Variants in PHF21B observed in about 807,000 individuals in gnomAD.
The protein encoded by PHF21B is PHD finger protein 21B.
In PHF21B, 22 loss-of-function variants were observed where a neutral mutation model predicts 62.2. The observed-to-expected ratio is 0.35, with a 90% CI of 0.25 to 0.51. PHF21B has a LOEUF of 0.51. Ranked by LOEUF, PHF21B falls within the 20% of genes least tolerant of loss-of-function variation. PHF21B has a pLI of 0.97. For synonymous variants in PHF21B, 341 were observed against 314.7 expected, an observed-to-expected ratio of 1.08 and a Z score of -0.88; for missense variants, 701 against 707.9, an observed-to-expected ratio of 0.99 and a Z score of 0.11.
intron 2 of PHF21B, among the ~76,000 whole-genome samples, chr22:44,953,169 G>A (rs1601638042): frequency 1.3e-5 from 2 of 152,162 alleles, no homozygotes; most frequent in Admixed American, 6.5e-5. Context: ...CTCTTCTCTC[G>A]GACACTGAGG....
chr22:44,898,550 G>C (rs2071100018), intron 5 of PHF21B, among the ~76,000 whole-genome samples: 1 of 152,104 alleles, frequency 6.6e-6, no homozygotes, highest in African/African-American at 2.4e-5. Flanking sequence ...CACTCAGGCA[G>C]GGCTTTTTTC....
intron 2 of PHF21B, among the ~76,000 whole-genome samples, chr22:44,926,149 G>C (rs1488804031): frequency 5.3e-5 from 8 of 151,726 alleles, no homozygotes; most frequent in African/African-American, 2.0e-4. Context: ...GTTCTGTGGT[G>C]GGAAGGTCCA....
intron 5 of PHF21B, among the ~76,000 whole-genome samples, chr22:44,897,614 T>C (rs907647982): frequency 2.0e-5 from 3 of 152,164 alleles, no homozygotes; most frequent in Non-Finnish European, 4.4e-5. Context: ...GTCTGGGATA[T>C]GACTTGCAAT....
intron 5 of PHF21B, among the ~76,000 whole-genome samples, chr22:44,909,793 C>T (rs79712548): frequency 0.011 from 1,688 of 152,372 alleles, 40 homozygotes; most frequent in African/African-American, 0.039. Flanking sequence ...TCTGCTGGAT[C>T]CTGGCAACTC....
At chr22:44,908,600 G>A (rs1379572216) in intron 5 of PHF21B, among the ~76,000 whole-genome samples, 1 of 152,206 alleles carries the variant, frequency 6.6e-6, no homozygotes, top group Non-Finnish European at 1.5e-5. Context: ...GGGAGCTGCA[G>A]CGACAGCGGA....
chr22:44,913,071 C>T (rs1422337447), intron 5 of PHF21B, among the ~76,000 whole-genome samples: 4 of 152,066 alleles, frequency 2.6e-5, no homozygotes, highest in South Asian at 2.1e-4. Flanking sequence ...CTGCTGTCCC[C>T]GCGCCACCAT....
intron 9 of PHF21B, among the ~76,000 whole-genome samples, chr22:44,888,873 C>T (rs543352436): frequency 3.3e-5 from 5 of 152,020 alleles, no homozygotes; most frequent in South Asian, 2.1e-4. Flanking sequence ...GAGGGGGAGC[C>T]GGGACCAGCA....
chr22:44,966,536 C>T (rs1395852132), intron 2 of PHF21B, among the ~76,000 whole-genome samples: 1 of 152,074 alleles, frequency 6.6e-6, no homozygotes, highest in Non-Finnish European at 1.5e-5. Flanking sequence ...CCAGGGAGTC[C>T]CTGGGCAGGC....
At chr22:44,973,721 G>A (rs755875519) in intron 2 of PHF21B, among the ~76,000 whole-genome samples, 4 of 152,190 alleles carry the variant, frequency 2.6e-5, no homozygotes, top group African/African-American at 9.7e-5. Context: ...CATATACAGA[G>A]TACCCACTGT....
At chr22:44,980,763 C>T (rs890832082) in intron 2 of PHF21B, among the ~76,000 whole-genome samples, 2 of 152,142 alleles carry the variant, frequency 1.3e-5, no homozygotes, top group African/African-American at 4.8e-5. Context: ...GCCTTGAAAA[C>T]AAGGCCAGGG....
At chr22:44,980,285 T>C (rs886453084) in intron 2 of PHF21B, among the ~76,000 whole-genome samples, 5 of 151,820 alleles carry the variant, frequency 3.3e-5, no homozygotes, top group African/African-American at 1.2e-4. Context: ...GGAGGACAGG[T>C]TCAGGGTCTC....
intron 3 of PHF21B, among the ~76,000 whole-genome samples, chr22:44,916,870 G>C (rs1360056744): frequency 1.3e-5 from 2 of 152,212 alleles, no homozygotes; most frequent in Non-Finnish European, 2.9e-5. Flanking sequence ...GGCCCTCCCA[G>C]CTGCACTCAG....
chr22:44,893,505 C>T lies in PHF21B; in HGVS notation c.912G>A (p.Lys304=), dbSNP rs1202394409. Residue 304 remains lysine, a synonymous_variant, in exon 7 of 13, where the codon AAG becomes AAA. Transcript: ENST00000313237. The stretch of plus-strand genomic sequence containing the variant: ...AGGCAGGGTTGGCTGTGCTTCTTCT[C>T]TTCCGCTCCTGTCGCTTGCTCTGGA... The part of the protein sequence containing the change: ...EEIQSKRQER[K]RRSTANPAYS... The T allele has an allele frequency of 6.2e-7, 1 of 1,604,654 alleles. No individual in the cohort carries two copies. The highest frequency in any genetic ancestry group is 8.5e-7 in the Non-Finnish European group (1 of 1,175,946).
chr22:44,906,696 G>A (rs1266489924), intron 5 of PHF21B, among the ~76,000 whole-genome samples: 3 of 152,214 alleles, frequency 2.0e-5, no homozygotes, highest in African/African-American at 7.2e-5. Flanking sequence ...ATGCAGCTCC[G>A]TGACCGTACA....
At chr22:44,953,925 G>C (rs138783963) in intron 2 of PHF21B, among the ~76,000 whole-genome samples, 1 of 152,156 alleles carries the variant, frequency 6.6e-6, no homozygotes, top group South Asian at 2.1e-4. Context: ...AGCCCACCCC[G>C]CCAGGAGAGG....
chr22:44,922,075 T>A (rs192548580), intron 2 of PHF21B, among the ~76,000 whole-genome samples: 41 of 152,290 alleles, frequency 2.7e-4, no homozygotes, highest in African/African-American at 9.9e-4. Flanking sequence ...CCAGTGAGGT[T>A]CTCTCTTGAT....
At chr22:44,938,387 T>A (rs11912090) in intron 2 of PHF21B, among the ~76,000 whole-genome samples, 2,670 of 152,314 alleles carry the variant, frequency 0.018, 89 homozygotes, top group African/African-American at 0.06. Context: ...GCACCTGCCA[T>A]CATGCATGGT....
chr22:45,009,033 C>G lies in PHF21B; in HGVS notation c.55-423G>C, dbSNP rs1236701303. On this transcript the variant is annotated intron_variant, in intron 1 of 12. Transcript: ENST00000313237. This position sits in a 1 kb window ranked among gnomAD's most constrained non-coding sequence, Gnocchi z 5.9. ...CTAATCTCCCCAACACACACACGCG[C>G]ACGCCGAGCCCCGCTCAGGCTCCGG... 1.8e-6 allele frequency: 2 copies of G among 1,134,158 alleles called. No individual in the cohort carries two copies. Among genetic ancestry groups the G allele is most frequent in the East Asian group, 9.1e-5 (2 of 21,980 alleles). 70.3% of individuals were successfully genotyped at this position (1,134,158 alleles called of 1,614,324 possible).
intron 5 of PHF21B, among the ~76,000 whole-genome samples, chr22:44,909,653 C>T (rs1477147560): frequency 6.6e-6 from 1 of 152,268 alleles, no homozygotes; most frequent in Non-Finnish European, 1.5e-5. Flanking sequence ...GTTCCCACGT[C>T]TGTCTTCACC....
Sources: gnomAD v4.1 joint callset for allele counts (sites outside exome capture counted in the v4.1 genomes callset) on GRCh38, gnomAD v4.1.1 for gene constraint, Gnocchi (gnomAD v3.1) non-coding constraint, MANE v1.5 for transcripts, NCBI Gene and HGNC (gene_info 2026-07-23, HGNC 2026-07-21) for gene names.